Variants in SLC13A3 observed in about 807,000 individuals in gnomAD.
SLC13A3 encodes the protein solute carrier family 13 member 3.
In SLC13A3, 40 loss-of-function variants were observed where a neutral mutation model predicts 59.0. The ratio of observed to expected loss-of-function variants is 0.68; its 90% confidence interval spans 0.53 to 0.88. SLC13A3 has a LOEUF of 0.88. Among genes scored for constraint, SLC13A3 ranks in the 40% least tolerant of loss-of-function variants. SLC13A3 has a pLI of 0.00. For synonymous variants in SLC13A3, 317 were observed against 330.3 expected (o/e 0.96, Z 0.44); for missense variants, 699 against 783.2 (o/e 0.89, Z 1.28).
At chr20:46,643,374 G>C (rs187785194) in intron 1 of SLC13A3, among the ~76,000 whole-genome samples, 13 of 152,262 alleles carry the variant, frequency 8.5e-5, no homozygotes, top group Admixed American at 3.3e-4. Flanking sequence ...CCTTTTCGGA[G>C]GTAAGATCTG....
chr20:46,656,297 T>C (rs1217994686), upstream of SLC13A3, among the ~76,000 whole-genome samples: 2 of 70,484 alleles, frequency 2.8e-5, no homozygotes, highest in East Asian at 4.9e-4. Flanking sequence ...GTATATAATA[T>C]ACTATACAGT....
intron 12 of SLC13A3, among the ~76,000 whole-genome samples, chr20:46,561,929 G>A (rs2061935226): frequency 6.6e-6 from 1 of 152,124 alleles, no homozygotes; most frequent in Non-Finnish European, 1.5e-5. Flanking sequence ...TCTCAGGAGC[G>A]AACCTGCAGG....
chr20:46,606,194 C>T (rs562208227), intron 3 of SLC13A3, among the ~76,000 whole-genome samples: 2 of 152,268 alleles, frequency 1.3e-5, no homozygotes, highest in African/African-American at 4.8e-5. Context: ...AAATCAATCC[C>T]GCTCAAGTAG....
Position 46,568,130 on chromosome 20 carries a change from C to T in SLC13A3, c.1333-1740G>A, listed in dbSNP as rs146594240. ...GCATACAGGGCCAGGCATGGTGGCT[C>T]ACGCCTGTAACCCAGCACTTTTAGA... is the stretch of plus-strand genomic sequence containing the variant. On this transcript the variant is annotated intron_variant, in intron 10 of 12. Transcript: ENST00000279027. Among the ~76,000 whole-genome samples the T allele has an allele frequency of 2.0e-5, 3 of 152,188 alleles. No homozygotes were observed. The East Asian group carries it at 5.8e-4, about 29-fold the overall frequency.
chr20:46,606,697 G>A (rs151332439), intron 3 of SLC13A3, among the ~76,000 whole-genome samples: 26 of 152,320 alleles, frequency 1.7e-4, no homozygotes, highest in African/African-American at 5.8e-4. Flanking sequence ...GGAAGACCCT[G>A]TCTCTAAAAA....
rs760903211 is a variant in SLC13A3 at position 46,610,622 on chromosome 20, T to A, written c.378-13A>T. 5 of 1,606,420 alleles carry A rather than the reference T, an allele frequency of 3.1e-6. No individual in the cohort carries two copies. The South Asian group carries it at 5.6e-5, about 18-fold the overall frequency. On this transcript the variant is annotated splice_polypyrimidine_tract_variant and intron_variant, in intron 2 of 12. Transcript: ENST00000279027. ...CCCCAGGATGAGCCTGCAGAGCAGA[T>A]GGCATTAGAGGCAAATCCAGAACCC...
chr20:46,592,416 C>G lies in SLC13A3; in HGVS notation c.908G>C (p.Gly303Ala), dbSNP rs141554970. 0.021 allele frequency: 34,694 copies of G among 1,613,796 alleles called. 436 individuals carry two copies. Among genetic ancestry groups the G allele is most frequent in the Non-Finnish European group, 0.025 (29,551 of 1,179,824 alleles). The change falls in exon 6 of 13, where the codon GGA (glycine) becomes GCA (alanine). Residue 303 changes from glycine (G) to alanine (A), a missense_variant. Physicochemically the swap from Gly to Ala is moderately conservative, Grantham distance 60. Transcript: ENST00000279027. ...AAATGAGAGGTACCTGAAGCTCAGT[C>G]CCCCGTACAGGAAGGAGATCCAGAG... The part of the protein sequence containing the change: ...GWLWISFLYG[G>A]LSFRGWRKNK...
At chr20:46,645,069 G>A (rs1481400502) in intron 1 of SLC13A3, among the ~76,000 whole-genome samples, 3 of 152,164 alleles carry the variant, frequency 2.0e-5, no homozygotes, top group African/African-American at 7.2e-5. Context: ...GAAGCTCCAG[G>A]AGAGAGAATC....
chr20:46,635,355 C>G (rs2062785346), intron 1 of SLC13A3, among the ~76,000 whole-genome samples: 1 of 152,278 alleles, frequency 6.6e-6, no homozygotes, highest in South Asian at 2.1e-4. Flanking sequence ...GAGAAACCCT[C>G]TACCGAGGCC....
chr20:46,681,246 C>A (rs1484046984), intron 1 of SLC13A3, among the ~76,000 whole-genome samples: 1 of 152,174 alleles, frequency 6.6e-6, no homozygotes, highest in African/African-American at 2.4e-5. Flanking sequence ...AACTAGACAT[C>A]CTCACGTCCG....
At chr20:46,581,424 A>G (rs1299527496) in intron 9 of SLC13A3, among the ~76,000 whole-genome samples, 3 of 152,240 alleles carry the variant, frequency 2.0e-5, no homozygotes, top group Admixed American at 1.3e-4. Flanking sequence ...AGATGCAGCA[A>G]TGGGAAACAG....
chr20:46,657,130 G>T (rs1277081517), intron 1 of SLC13A3, among the ~76,000 whole-genome samples: 1 of 151,956 alleles, frequency 6.6e-6, no homozygotes, highest in African/African-American at 2.4e-5. Flanking sequence ...AACAAAAAAA[G>T]CTTTTGAGAA....
At chr20:46,651,508 AG>A (rs1239470921), upstream of SLC13A3, 1 of 778,872 alleles carries the variant, frequency 1.3e-6, no homozygotes, top group South Asian at 2.3e-5. Flanking sequence ...AGGGTCGGGG[AG>A]GGGACTGCGC....
Position 46,581,336 on chromosome 20 carries a change from C to G in SLC13A3, c.1219+2236G>C, listed in dbSNP as rs114966070. ...GCTGATCCATAGGCAGGCCAGGGAT[C>G]TACGAGGCTGTGAAGTAGCCTTGTG... On this transcript the variant is annotated intron_variant, in intron 9 of 12. Transcript: ENST00000279027. 1.9e-3 allele frequency among the ~76,000 whole-genome samples: 287 copies of G among 152,320 alleles called. 2 individuals carry two copies. Among genetic ancestry groups the G allele is most frequent in the African/African-American group, 6.5e-3 (272 of 41,564 alleles).
At chr20:46,591,734 T>C (rs1290525036) in intron 6 of SLC13A3, among the ~76,000 whole-genome samples, 2 of 152,182 alleles carry the variant, frequency 1.3e-5, no homozygotes, top group African/African-American at 2.4e-5. Context: ...TTATCTTCTG[T>C]ATCAGGGCCC....
chr20:46,575,519 G>A (rs532250919), intron 10 of SLC13A3, 54 bp downstream of exon 10: 955 of 1,106,102 alleles, frequency 8.6e-4, no homozygotes, highest in Non-Finnish European at 1.1e-3. Flanking sequence ...ACTGGGACCC[G>A]CCCACACCTG....
chr20:46,611,937 G>A (rs896403688), intron 2 of SLC13A3, among the ~76,000 whole-genome samples: 7 of 152,104 alleles, frequency 4.6e-5, no homozygotes, highest in Non-Finnish European at 8.8e-5. Flanking sequence ...GAGAAAATGT[G>A]TATCCTCATT....
chr20:46,640,554 A>T (rs924161161), intron 1 of SLC13A3, among the ~76,000 whole-genome samples: 2 of 152,224 alleles, frequency 1.3e-5, no homozygotes, highest in African/African-American at 4.8e-5. Flanking sequence ...CAACAGCAGC[A>T]ATCCTTTATT....
At chr20:46,629,900 C>T (rs2062720722) in intron 1 of SLC13A3, among the ~76,000 whole-genome samples, 1 of 152,150 alleles carries the variant, frequency 6.6e-6, no homozygotes, top group South Asian at 2.1e-4. Context: ...TGTTTTTCTC[C>T]TTTCTATTTT....
Sources: allele counts gnomAD v4.1 joint callset (sites outside exome capture counted in the v4.1 genomes callset), GRCh38; gene constraint gnomAD v4.1.1; transcripts MANE v1.5; gene names NCBI Gene and HGNC (gene_info 2026-07-23, HGNC 2026-07-21).